The following DNAH17 variants were observed in gnomAD, a reference collection of about 807,000 sequenced individuals.
DNAH17 encodes the protein dynein axonemal heavy chain 17.
A neutral mutation model predicts 485.6 loss-of-function variants in DNAH17; 376 were observed. The observed-to-expected ratio is 0.77, with a 90% CI of 0.71 to 0.84. The LOEUF (loss-of-function observed/expected upper bound fraction) is 0.84. Among genes scored for constraint, DNAH17 ranks in the 40% least tolerant of loss-of-function variants. DNAH17 has a pLI of 0.00. For missense variants in DNAH17, 6,370 were observed against 5,839.3 expected, an observed-to-expected ratio of 1.09 and a Z score of -2.96; for synonymous variants, 3,031 against 2,405.9, an observed-to-expected ratio of 1.26 and a Z score of -7.60.
chr17:78,450,467 G>A (rs2087498987), intron 67 of DNAH17, 73 bp from the exon 68 acceptor site: 1 of 1,578,180 alleles, frequency 6.3e-7, no homozygotes, highest in Non-Finnish European at 8.6e-7. Context: ...CTCATTCCCA[G>A]CCACCAGCCT....
intron 11 of DNAH17, among the ~76,000 whole-genome samples, chr17:78,564,174 C>T (rs1258327099): frequency 3.3e-5 from 5 of 152,040 alleles, no homozygotes; most frequent in South Asian, 2.1e-4. Context: ...AAGTTGAACT[C>T]GCCAACCCAG....
Position 78,494,980 on chromosome 17 carries a change from G to A in DNAH17, c.6021C>T (p.Cys2007=), listed in dbSNP as rs1289432591. 2 of 1,613,258 alleles carry A rather than the reference G, an allele frequency of 1.2e-6. No homozygotes were observed. The highest frequency in any genetic ancestry group is 1.7e-6 in the Non-Finnish European group (2 of 1,179,516). Residue 2007 remains cysteine (C), a synonymous_variant, in exon 39 of 81, where the codon TGC becomes TGT. Coordinates refer to ENST00000389840, the MANE Select transcript of DNAH17 (RefSeq NM_173628.4). The part of the protein sequence containing the change: ...ARKFITLYTL[C]KELLSKQDHY... ...ACACCTGCTTCGAGAGCAGCTCCTT[G>A]CACAAGGTGTACAGGGTGATGAACT...
intron 54 of DNAH17, among the ~76,000 whole-genome samples, 163 bp from the exon 55 acceptor site, chr17:78,469,046 C>T (rs2088624823): frequency 6.6e-6 from 1 of 152,282 alleles, no homozygotes; most frequent in African/African-American, 2.4e-5. Flanking sequence ...TCACTGCAAC[C>T]TCCGTCTCCT....
intron 63 of DNAH17, among the ~76,000 whole-genome samples, chr17:78,454,920 T>C (rs2087725301): frequency 6.6e-6 from 1 of 151,860 alleles, no homozygotes; most frequent in Admixed American, 6.6e-5. Flanking sequence ...CCACGTTTTT[T>C]TTTTCCCCTG....
intron 58 of DNAH17, 45 bp from the exon 59 acceptor site, chr17:78,460,302 G>A (rs755639129): frequency 6.5e-7 from 1 of 1,533,278 alleles, no homozygotes. Context: ...GCCTGTCCAT[G>A]TGCCTGTGGG....
chr17:78,455,315 G>T (rs2087743175), intron 63 of DNAH17, among the ~76,000 whole-genome samples: 1 of 147,570 alleles, frequency 6.8e-6, no homozygotes. Context: ...TTTCCCGAGT[G>T]ATGAGTAGGA....
chr17:78,445,476 CCTTGGAAACATCCG>C, intron 70 of DNAH17, 68 bp downstream of exon 70: 1 of 1,504,362 alleles, frequency 6.6e-7, no homozygotes, highest in Non-Finnish European at 8.9e-7. Context: ...GGTATTCTGG[CCTTGGAAACATCCG>C]CAGCATCAGC....
chr17:78,462,824 A>C lies in DNAH17; in HGVS notation c.9174+20T>G. On this transcript the variant is annotated intron_variant, in intron 57 of 80. Coordinates refer to ENST00000389840, the MANE Select transcript of DNAH17 (RefSeq NM_173628.4). ...TCCAGGGAACGGCACAGGAGCTGGCAGCCAGCCCCCCTCTCCTACCTGGGA... is the reference window on the plus strand; with the variant it reads ...TCCAGGGAACGGCACAGGAGCTGGCCGCCAGCCCCCCTCTCCTACCTGGGA... 6.2e-7 allele frequency: 1 copy of C among 1,612,660 alleles called. No individual in the cohort carries two copies. The highest frequency in any genetic ancestry group is 8.5e-7 in the Non-Finnish European group (1 of 1,179,172).
chr17:78,455,694 G>T lies in DNAH17; in HGVS notation c.10120C>A (p.Arg3374=). 1 of 1,587,046 alleles carries T rather than the reference G, an allele frequency of 6.3e-7. No individual in the cohort carries two copies. The highest frequency in any genetic ancestry group is 8.6e-7 in the Non-Finnish European group (1 of 1,167,294). Reference sequence around the variant, plus strand: ...CAGAATTTCTCCATCAGCTCATTCCGGTATTTCTTGGTGAAGTAGCCCACG... The same window carrying T: ...CAGAATTTCTCCATCAGCTCATTCCTGTATTTCTTGGTGAAGTAGCCCACG... ...SYVGYFTKKY[R]NELMEKFWIP... Residue 3374 remains arginine (R), a synonymous_variant, in exon 63 of 81, where the codon CGG becomes AGG. Transcript: ENST00000389840.
At chr17:78,460,599 G>A (rs2088070849) in intron 58 of DNAH17, among the ~76,000 whole-genome samples, 1 of 152,120 alleles carries the variant, frequency 6.6e-6, no homozygotes, top group Non-Finnish European at 1.5e-5. Flanking sequence ...CCCCTGTCTG[G>A]AGCCCACCTT....
intron 18 of DNAH17, among the ~76,000 whole-genome samples, chr17:78,539,464 C>G (rs2091464263): frequency 6.6e-6 from 1 of 152,206 alleles, no homozygotes; most frequent in Middle Eastern, 3.4e-3. Flanking sequence ...GGCAGTGAGG[C>G]AGGACCAGCC....
intron 16 of DNAH17, among the ~76,000 whole-genome samples, chr17:78,544,484 G>C (rs1176787738): frequency 6.6e-6 from 1 of 152,160 alleles, no homozygotes; most frequent in Non-Finnish European, 1.5e-5. Flanking sequence ...TGGCTCCCCT[G>C]CAAGTGGGAG....
rs145928387 is a variant in DNAH17, at chr17:78,517,876, A to G, written c.3865-2854T>C. Among the ~76,000 whole-genome samples, 9 of 152,338 alleles carry G rather than the reference A, an allele frequency of 5.9e-5. No homozygotes were observed. The East Asian group carries it at 1.7e-3, about 29-fold the overall frequency. ...TTACTCATATATTGAGGAAATACATAAGACAGTTATGTTATAGTTAAGAGG... is the reference window on the plus strand; with the variant it reads ...TTACTCATATATTGAGGAAATACATGAGACAGTTATGTTATAGTTAAGAGG... On this transcript the variant is annotated intron_variant, in intron 25 of 80. Transcript: ENST00000389840.
intron 14 of DNAH17, among the ~76,000 whole-genome samples, chr17:78,554,728 A>G (rs1297036888): frequency 6.6e-6 from 1 of 152,084 alleles, no homozygotes; most frequent in Non-Finnish European, 1.5e-5. Context: ...TGCCTTTCAG[A>G]ATAATTCTTT....
At chr17:78,550,521 T>A (rs898569797) in intron 16 of DNAH17, among the ~76,000 whole-genome samples, 1 of 120,958 alleles carries the variant, frequency 8.3e-6, no homozygotes, top group Non-Finnish European at 1.8e-5. Context: ...GCATGACCAG[T>A]GTCCTTATGA....
At chr17:78,510,251 G>A (rs1268616618) in intron 27 of DNAH17, 133 bp downstream of exon 27, 2 of 1,289,674 alleles carry the variant, frequency 1.6e-6, no homozygotes, top group Admixed American at 2.2e-5. Flanking sequence ...TCACAGGTTG[G>A]GTAAGAAAGG....
At chr17:78,567,278 A>G (rs1198654114) in intron 9 of DNAH17, 112 bp from the exon 10 acceptor site, 2 of 1,114,242 alleles carry the variant, frequency 1.8e-6, no homozygotes, top group Non-Finnish European at 1.3e-6. Context: ...AAATGTCCCC[A>G]GGAGACACCA....
intron 56 of DNAH17, among the ~76,000 whole-genome samples, chr17:78,464,169 CCCTA>C (rs998894850): frequency 7.5e-4 from 114 of 152,300 alleles, no homozygotes; most frequent in African/African-American, 2.6e-3. Context: ...TGCTCATCCC[CCCTA>C]CTGAGTTGGT....
Position 78,486,473 on chromosome 17 carries a change from C to A in DNAH17, c.6852G>T (p.Val2284=), listed in dbSNP as rs541811701. 1.9e-6 allele frequency: 3 copies of A among 1,611,884 alleles called. No homozygotes were observed. In the African/African-American group the frequency reaches 4.0e-5, roughly 21 times the overall value. ...TCATCAGGTTGGCCTTCTCCGACTG[C>A]ACCTTGCGCCTCTCGATCCAGCTGC... ...VVSSWIERRK[V]QSEKANLMIL... is the part of the protein sequence containing the mutation. The change falls in exon 45 of 81, where the codon GTG becomes GTT. Residue 2284 remains valine (V), a synonymous_variant. Coordinates refer to ENST00000389840, the MANE Select transcript of DNAH17 (RefSeq NM_173628.4).
Sources: gnomAD v4.1 joint callset for allele counts (sites outside exome capture counted in the v4.1 genomes callset) on GRCh38, gnomAD v4.1.1 for gene constraint, MANE v1.5 for transcripts, NCBI Gene and HGNC (gene_info 2026-07-23, HGNC 2026-07-21) for gene names.